NAAA: variants seen among roughly 807,000 people sequenced by gnomAD.
NAAA encodes N-acylethanolamine acid amidase.
NAAA carries 39 observed loss-of-function variants against 44.8 expected under a neutral mutation model. The ratio of observed to expected loss-of-function variants is 0.87; its 90% CI spans 0.67 to 1.14. The LOEUF (loss-of-function observed/expected upper bound fraction) is 1.14, where lower values mean the gene tolerates loss of function less well. NAAA is among the 50% of genes most tolerant of loss of function. The pLI is 0.00. For synonymous variants in NAAA, 178 were observed against 191.3 expected (o/e 0.93, Z 0.58); for missense variants, 460 against 467.8 (o/e 0.98, Z 0.15).
At chr4:75,940,640 C>A (rs572083101) in intron 1 of NAAA, 104 bp downstream of exon 1, 2 of 1,257,610 alleles carry the variant, frequency 1.6e-6, no homozygotes, top group East Asian at 5.6e-5. Context: ...CCAAGGGTGG[C>A]GGGGAGTAAA....
At chr4:75,923,787 C>G (rs1419904691) in intron 5 of NAAA, among the ~76,000 whole-genome samples, 2 of 152,122 alleles carry the variant, frequency 1.3e-5, no homozygotes, top group Non-Finnish European at 2.9e-5. Context: ...ACTTCTCTGC[C>G]TCGGCCTCCC....
rs28538286 is a variant in NAAA, at chr4:75,914,425, A to G, written c.*37-87T>C. ...AGTCTCACTCTGTTTCCCAGGCTGG[A>G]GTGCAGTGGTGTGATCTCAGCTCAC... On this transcript the variant is annotated intron_variant, in intron 10 of 10. Coordinates refer to ENST00000286733, the MANE Select transcript of NAAA (RefSeq NM_014435.4). The G allele has an allele frequency of 1.5e-3, 806 of 530,724 alleles. 6 individuals are homozygous for G. The African/African-American group carries it at 0.016, about 11-fold the overall frequency. The allele number at this position is 530,724 out of a possible 1,614,324, so 32.9% of individuals were successfully genotyped here. A position where few individuals can be genotyped will look rare whatever the true frequency, so the allele number is the denominator to read the frequency against.
chr4:75,933,986 C>T (rs989652963), intron 3 of NAAA, among the ~76,000 whole-genome samples: 4 of 151,364 alleles, frequency 2.6e-5, no homozygotes, highest in East Asian at 3.9e-4. Flanking sequence ...GCCGAGATCG[C>T]GCCACTGCAC....
At chr4:75,913,015 A>G (rs1024169745), downstream of NAAA, among the ~76,000 whole-genome samples, 5 of 152,186 alleles carry the variant, frequency 3.3e-5, no homozygotes, top group Non-Finnish European at 5.9e-5. Flanking sequence ...CCTTCTAGAC[A>G]TTCTACTCAC....
chr4:75,939,291 C>CA (rs1394295510), intron 2 of NAAA, among the ~76,000 whole-genome samples: 1 of 151,658 alleles, frequency 6.6e-6, no homozygotes, highest in Non-Finnish European at 1.5e-5. Context: ...TGCAGGGCGA[C>CA]AAATAAGGGC....
rs192122776 is a variant in NAAA at position 75,937,455 on chromosome 4, T to C, written c.372-1220A>G. Reference sequence around the variant, plus strand: ...AATAAAATAAAATAAAGACGGAAACTTGGTCAGTTTTAATTCCCTCCAAGG... The same window carrying C: ...AATAAAATAAAATAAAGACGGAAACCTGGTCAGTTTTAATTCCCTCCAAGG... On this transcript the variant is annotated intron_variant, in intron 2 of 10. Coordinates refer to ENST00000286733, the MANE Select transcript of NAAA (RefSeq NM_014435.4). 7.3e-5 allele frequency among the ~76,000 whole-genome samples: 11 copies of C among 151,516 alleles called. No homozygotes were observed. The East Asian group carries it at 1.9e-3, about 27-fold the overall frequency.
intron 4 of NAAA, among the ~76,000 whole-genome samples, chr4:75,930,981 C>T (rs138487782): frequency 1.9e-4 from 29 of 152,320 alleles, no homozygotes; most frequent in Non-Finnish European, 2.6e-4. Context: ...ACTAACCACC[C>T]CACCTCCTCC....
intron 3 of NAAA, among the ~76,000 whole-genome samples, chr4:75,933,730 G>A (rs549713690): frequency 6.6e-6 from 1 of 152,140 alleles, no homozygotes; most frequent in Non-Finnish European, 1.5e-5. Flanking sequence ...ACCCTTAGCA[G>A]GGAATTTTAA....
intron 2 of NAAA, 39 bp from the exon 3 acceptor site, chr4:75,936,274 A>G (rs1727711282): frequency 1.3e-6 from 2 of 1,574,034 alleles, no homozygotes; most frequent in Admixed American, 4.2e-5. Flanking sequence ...TGAATAAGAC[A>G]AATAAGAAAA....
intron 1 of NAAA, 70 bp from the exon 2 acceptor site, chr4:75,940,235 C>T: frequency 6.5e-7 from 1 of 1,533,000 alleles, no homozygotes; most frequent in Non-Finnish European, 8.9e-7. Flanking sequence ...GTGTGCACTG[C>T]GAGCGGGGCT....
At chr4:75,920,691 C>T in intron 7 of NAAA, 47 bp downstream of exon 7, 1 of 1,609,696 alleles carries the variant, frequency 6.2e-7, no homozygotes, top group Non-Finnish European at 8.5e-7. Flanking sequence ...GCATATTCTC[C>T]TGACCATAAG....
chr4:75,924,983 G>A (rs2018484), intron 5 of NAAA, among the ~76,000 whole-genome samples: 9,108 of 148,136 alleles, frequency 0.061, 571 homozygotes, highest in African/African-American at 0.16. Flanking sequence ...TAGGAGGGTA[G>A]GAGCATAACT....
At chr4:75,920,654 G>A (rs1415738966) in intron 7 of NAAA, 84 bp downstream of exon 7, 12 of 1,523,512 alleles carry the variant, frequency 7.9e-6, no homozygotes, top group Non-Finnish European at 1.1e-5. Flanking sequence ...GCACCCATAG[G>A]TCTTGCCAGT....
At chr4:75,919,705 C>G in intron 8 of NAAA, 1 of 605,252 alleles carries the variant, frequency 1.7e-6, no homozygotes, top group Non-Finnish European at 2.9e-6. Flanking sequence ...GTCTCAATCT[C>G]CTGACCTCGT....
At chr4:75,923,688 C>T (rs915903179) in intron 5 of NAAA, among the ~76,000 whole-genome samples, 1 of 151,846 alleles carries the variant, frequency 6.6e-6, no homozygotes, top group African/African-American at 2.4e-5. Flanking sequence ...TACAGACACC[C>T]GCCACTACAC....
intron 8 of NAAA, 130 bp from the exon 9 acceptor site, chr4:75,918,919 G>A (rs1183660354): frequency 1.0e-5 from 8 of 788,308 alleles, no homozygotes; most frequent in Non-Finnish European, 1.5e-5. Flanking sequence ...GACGTGGGAG[G>A]ATTACTCAAG....
intron 9 of NAAA, among the ~76,000 whole-genome samples, chr4:75,918,305 A>G (rs1725816932): frequency 6.6e-6 from 1 of 152,204 alleles, no homozygotes; most frequent in East Asian, 1.9e-4. Flanking sequence ...AATACAAAAA[A>G]TTAGCTGGGC....
intron 4 of NAAA, among the ~76,000 whole-genome samples, chr4:75,927,918 C>A (rs552870560): frequency 6.6e-6 from 1 of 152,222 alleles, no homozygotes; most frequent in African/African-American, 2.4e-5. Context: ...ATGTGATTTG[C>A]ATTTCTCTGA....
In NAAA at chr4:75,926,585, G is replaced by A. The variant is rs1478887481; in HGVS notation, c.590-774C>T. 6.7e-5 allele frequency among the ~76,000 whole-genome samples: 9 copies of A among 135,270 alleles called. No individual in the cohort carries two copies. In the East Asian group the frequency reaches 1.2e-3, roughly 18 times the overall value. The allele number at this position is 135,270 out of a possible 152,430, so 88.7% of individuals were successfully genotyped here. A position where few individuals can be genotyped will look rare whatever the true frequency, so the allele number is the denominator to read the frequency against. ...CAAAAAAAAAAAAAAAAAAAAGACG[G>A]TATCAACAGAGTAAAAGGCAATTCA... is the stretch of plus-strand genomic sequence containing the variant. On this transcript the variant is annotated intron_variant, in intron 4 of 10. Transcript: ENST00000286733.
Sources: allele counts gnomAD v4.1 joint callset (sites outside exome capture counted in the v4.1 genomes callset), GRCh38; gene constraint gnomAD v4.1.1; transcripts MANE v1.5; gene names NCBI Gene and HGNC (gene_info 2026-07-23, HGNC 2026-07-21).